The following TBC1D5 variants were observed in gnomAD, a reference collection of about 807,000 sequenced individuals.
TBC1D5 encodes the protein TBC1 domain family, member 5.
TBC1D5 carries 75 observed loss-of-function variants against 100.3 expected under a neutral mutation model. The ratio of observed to expected loss-of-function variants is 0.75; its 90% CI spans 0.62 to 0.91. The LOEUF (loss-of-function observed/expected upper bound fraction) is 0.91, where lower values mean the gene tolerates loss of function less well. Among genes scored for constraint, TBC1D5 ranks in the 40% least tolerant of loss-of-function variants. The pLI is 0.00. For missense variants in TBC1D5, 910 were observed against 942.4 expected (o/e 0.97, Z 0.45); for synonymous variants, 323 against 325.6 (o/e 0.99, Z 0.09).
At chr3:17,339,048 C>A (rs2088420263) in intron 13 of TBC1D5, among the ~76,000 whole-genome samples, 1 of 152,160 alleles carries the variant, frequency 6.6e-6, no homozygotes, top group African/African-American at 2.4e-5. Context: ...ATTCATTAAT[C>A]AGCCAAATTA....
intron 2 of TBC1D5, among the ~76,000 whole-genome samples, chr3:17,562,616 C>G (rs2096566832): frequency 6.6e-6 from 1 of 151,682 alleles, no homozygotes; most frequent in Non-Finnish European, 1.5e-5. Flanking sequence ...AAACACCAGA[C>G]AAACCAATAC....
At chr3:17,494,171 C>T (rs971496173) in intron 3 of TBC1D5, among the ~76,000 whole-genome samples, 3 of 152,100 alleles carry the variant, frequency 2.0e-5, no homozygotes, top group Admixed American at 6.5e-5. Context: ...ATAGTGGCTG[C>T]TGTGGTTTGC....
intron 1 of TBC1D5, among the ~76,000 whole-genome samples, chr3:17,737,219 C>A (rs1052321400): frequency 1.3e-5 from 2 of 152,194 alleles, no homozygotes; most frequent in East Asian, 3.9e-4. Flanking sequence ...TGGGGGCTTA[C>A]TTCTCACTGG....
chr3:17,251,013 C>T (rs1342380381), intron 16 of TBC1D5, among the ~76,000 whole-genome samples: 1 of 152,174 alleles, frequency 6.6e-6, no homozygotes, highest in East Asian at 1.9e-4. Flanking sequence ...TAGCACCTTT[C>T]CTATTAGCAA....
chr3:17,194,281 C>CA (rs2070359636), intron 18 of TBC1D5, among the ~76,000 whole-genome samples: 2 of 152,208 alleles, frequency 1.3e-5, no homozygotes, highest in South Asian at 4.1e-4. Flanking sequence ...CAGATGGCTG[C>CA]ATGGTTAGAA....
At chr3:17,660,125 A>C (rs544809603) in intron 1 of TBC1D5, among the ~76,000 whole-genome samples, 1 of 152,340 alleles carries the variant, frequency 6.6e-6, no homozygotes, top group South Asian at 2.1e-4. Context: ...AGAAAGCCCA[A>C]GCAACTACAA....
intron 1 of TBC1D5, among the ~76,000 whole-genome samples, chr3:17,733,128 A>C (rs2153989358): frequency 6.6e-6 from 1 of 152,332 alleles, no homozygotes; most frequent in South Asian, 2.1e-4. Context: ...GTCCAGAGAG[A>C]GAATCATGAA....
chr3:17,521,198 G>C (rs1216726258), intron 2 of TBC1D5, among the ~76,000 whole-genome samples: 1 of 152,166 alleles, frequency 6.6e-6, no homozygotes, highest in Non-Finnish European at 1.5e-5. Context: ...AAACAGTTCT[G>C]AGACTACAGC....
intron 3 of TBC1D5, among the ~76,000 whole-genome samples, chr3:17,458,456 C>T (rs1433246899): frequency 6.6e-6 from 1 of 152,176 alleles, no homozygotes; most frequent in Non-Finnish European, 1.5e-5. Context: ...GGTTCATAAA[C>T]AAGCCTGCAA....
intron 18 of TBC1D5, among the ~76,000 whole-genome samples, chr3:17,190,734 T>G (rs1412186149): frequency 6.6e-6 from 1 of 152,126 alleles, no homozygotes; most frequent in African/African-American, 2.4e-5. Context: ...AGGGGAATAG[T>G]GAGGCAGGAA....
chr3:17,263,553 A>T (rs1320504995), intron 15 of TBC1D5, among the ~76,000 whole-genome samples: 1 of 151,666 alleles, frequency 6.6e-6, no homozygotes, highest in Non-Finnish European at 1.5e-5. Flanking sequence ...GTATCACTCA[A>T]CTCTTTTCTG....
chr3:17,197,857 T>C (rs919945987), intron 18 of TBC1D5, among the ~76,000 whole-genome samples: 3 of 152,082 alleles, frequency 2.0e-5, no homozygotes, highest in Non-Finnish European at 4.4e-5. Context: ...GGCAACATGG[T>C]GAAACCCCAT....
intron 1 of TBC1D5, among the ~76,000 whole-genome samples, chr3:17,714,806 T>A (rs1270307957): frequency 6.6e-6 from 1 of 151,886 alleles, no homozygotes; most frequent in Non-Finnish European, 1.5e-5. Flanking sequence ...TCTTAAAAAA[T>A]AAAAACAAAA....
At chr3:17,246,214 A>G (rs1223576596) in intron 16 of TBC1D5, among the ~76,000 whole-genome samples, 1 of 152,204 alleles carries the variant, frequency 6.6e-6, no homozygotes, top group Non-Finnish European at 1.5e-5. Flanking sequence ...TTATATGTAG[A>G]AAAACAAAGG....
chr3:17,471,643 C>G, intron 3 of TBC1D5, among the ~76,000 whole-genome samples: 1 of 120,808 alleles, frequency 8.3e-6, no homozygotes, highest in South Asian at 2.5e-4. Flanking sequence ...TGCACTCCAG[C>G]CTGGGCGACA....
At chr3:17,591,264 A>AAAC (rs1560228233) in intron 2 of TBC1D5, among the ~76,000 whole-genome samples, 12 of 110,694 alleles carry the variant, frequency 1.1e-4, no homozygotes, top group East Asian at 2.2e-4. Context: ...AAAAAAAAAA[A>AAAC]AACAAAAACC....
chr3:17,342,696 T>A (rs911336593), intron 13 of TBC1D5, among the ~76,000 whole-genome samples: 1 of 152,190 alleles, frequency 6.6e-6, no homozygotes, highest in Non-Finnish European at 1.5e-5. Context: ...CCTAATCTCA[T>A]TGCCCAGAAA....
chr3:17,238,087 T>C, intron 17 of TBC1D5, 76 bp downstream of exon 17: 2 of 1,525,400 alleles, frequency 1.3e-6, no homozygotes, highest in East Asian at 2.3e-5. Flanking sequence ...AGGAGATTGG[T>C]TCCTCACAGG....
chr3:17,617,020 C>T (rs542642000), intron 2 of TBC1D5, among the ~76,000 whole-genome samples: 6 of 152,266 alleles, frequency 3.9e-5, no homozygotes, highest in Admixed American at 3.9e-4. Flanking sequence ...TTTGCAGTTG[C>T]TCATATCGTT....
Sources: gnomAD v4.1 joint callset for allele counts (sites outside exome capture counted in the v4.1 genomes callset) on GRCh38, gnomAD v4.1.1 for gene constraint, MANE v1.5 for transcripts, NCBI Gene and HGNC (gene_info 2026-07-23, HGNC 2026-07-21) for gene names.